The following SLC14A2 variants were observed in gnomAD, a reference collection of about 807,000 sequenced individuals.
SLC14A2 encodes urea transporter 2.
In SLC14A2, 91 loss-of-function variants were observed where a neutral mutation model predicts 104.6. That is an observed-to-expected ratio of 0.87 (90% CI 0.73 to 1.04). The LOEUF is 1.04. SLC14A2 is among the 50% of genes least tolerant of loss of function. The probability of loss-of-function intolerance (pLI) is 0.00; values close to 1 mark genes in which losing one functional copy is unlikely to be tolerated. For missense variants in SLC14A2, 1,189 were observed against 1,156.0 expected (o/e 1.03, Z -0.41); for synonymous variants, 476 against 466.4 (o/e 1.02, Z -0.27).
rs1395977759 is a variant in SLC14A2 at position 45,258,464 on chromosome 18, A to G, written c.-125+45273A>G. On this transcript the variant is annotated intron_variant, in intron 1 of 20. Transcript: ENST00000586448. Reference sequence around the variant, plus strand: ...TCTGAAATCTTAGAACCATTGCAATATGCTACAGCCCAGAATTTAGCACCT... The same window carrying G: ...TCTGAAATCTTAGAACCATTGCAATGTGCTACAGCCCAGAATTTAGCACCT... Among the ~76,000 whole-genome samples the G allele has an allele frequency of 4.9e-5, 7 of 143,220 alleles. 2 individuals are homozygous for G. The highest frequency in any genetic ancestry group is 4.6e-4 in the South Asian group (2 of 4,340). 94.0% of individuals were successfully genotyped at this position (143,220 alleles called of 152,430 possible). A position where few individuals can be genotyped will look rare whatever the true frequency, so the allele number is the denominator to read the frequency against.
intron 2 of SLC14A2, among the ~76,000 whole-genome samples, chr18:45,582,960 C>G (rs910910154): frequency 3.9e-5 from 6 of 152,194 alleles, no homozygotes; most frequent in Admixed American, 1.3e-4. Flanking sequence ...CTCCTCACCA[C>G]CCACCCACCA....
chr18:45,484,002 A>T (rs1249669218), intron 2 of SLC14A2, among the ~76,000 whole-genome samples: 1 of 152,202 alleles, frequency 6.6e-6, no homozygotes, highest in Non-Finnish European at 1.5e-5. Context: ...TTTCATTGGG[A>T]TCTATAATAG....
At chr18:45,442,511 A>G (rs563066268) in intron 1 of SLC14A2, among the ~76,000 whole-genome samples, 2 of 152,264 alleles carry the variant, frequency 1.3e-5, no homozygotes, top group African/African-American at 4.8e-5. Context: ...CCCTTTGTGT[A>G]TGTCTCTATA....
At chr18:45,310,031 G>A (rs1339347302) in intron 1 of SLC14A2, among the ~76,000 whole-genome samples, 1 of 151,826 alleles carries the variant, frequency 6.6e-6, no homozygotes, top group Admixed American at 6.6e-5. Context: ...CCATATCGAT[G>A]CGTAGGACCA....
chr18:45,390,403 C>T (rs552920492), intron 1 of SLC14A2, among the ~76,000 whole-genome samples: 1 of 152,264 alleles, frequency 6.6e-6, no homozygotes, highest in Non-Finnish European at 1.5e-5. Flanking sequence ...ATATGCTAAG[C>T]TTTATGGTAG....
At chr18:45,653,902 G>C (rs1315581733) in intron 10 of SLC14A2, among the ~76,000 whole-genome samples, 1 of 152,186 alleles carries the variant, frequency 6.6e-6, no homozygotes, top group African/African-American at 2.4e-5. Context: ...AGGCAAATTG[G>C]CCCCCTGAGG....
intron 1 of SLC14A2, among the ~76,000 whole-genome samples, chr18:45,236,574 T>A (rs540491789): frequency 7.7e-6 from 1 of 130,474 alleles, no homozygotes; most frequent in Non-Finnish European, 1.6e-5. Context: ...TATATGTATA[T>A]ATACATATAT....
intron 1 of SLC14A2, among the ~76,000 whole-genome samples, chr18:45,378,206 C>G (rs571826061): frequency 7.4e-6 from 1 of 135,262 alleles, no homozygotes; most frequent in East Asian, 2.0e-4. Context: ...TCTGAATTCT[C>G]TGGAGTATTT....
upstream of SLC14A2, among the ~76,000 whole-genome samples, chr18:45,209,191 A>AAAAAG (rs1555662437): frequency 8.6e-4 from 129 of 150,568 alleles, no homozygotes; most frequent in African/African-American, 2.8e-3. Context: ...AAAAAAAAAA[A>AAAAAG]AAAAAAAATC....
At chr18:45,432,993 C>A (rs553242096) in intron 1 of SLC14A2, among the ~76,000 whole-genome samples, 2 of 152,200 alleles carry the variant, frequency 1.3e-5, no homozygotes, top group Non-Finnish European at 2.9e-5. Context: ...CTGTTTTCTA[C>A]TCTTTCTGTC....
chr18:45,312,291 G>GA (rs2144218844), intron 1 of SLC14A2, among the ~76,000 whole-genome samples: 1 of 152,090 alleles, frequency 6.6e-6, no homozygotes, highest in South Asian at 2.1e-4. Context: ...TTTGTTATGT[G>GA]AGCAATATGA....
chr18:45,438,326 T>A (rs564308220), intron 1 of SLC14A2: 1 of 152,316 alleles, frequency 6.6e-6, no homozygotes, highest in East Asian at 1.9e-4. Context: ...CTTCTATTCC[T>A]ATTGCAACCA....
chr18:45,594,457 G>A (rs915289413), intron 2 of SLC14A2, among the ~76,000 whole-genome samples: 19 of 152,182 alleles, frequency 1.2e-4, no homozygotes, highest in African/African-American at 4.1e-4. Context: ...ATGATCACCT[G>A]CCAAGCTTTC....
intron 1 of SLC14A2, among the ~76,000 whole-genome samples, chr18:45,436,012 AAGCTTTGG>A (rs2086590191): frequency 6.6e-6 from 1 of 152,144 alleles, no homozygotes; most frequent in South Asian, 2.1e-4. Flanking sequence ...GGAGCTTTAA[AAGCTTTGG>A]AGCTCTATTA....
intron 2 of SLC14A2, among the ~76,000 whole-genome samples, chr18:45,551,306 G>A (rs1263560808): frequency 6.6e-6 from 1 of 152,172 alleles, no homozygotes. Flanking sequence ...AGCTGCACAT[G>A]GGTAAAAATA....
chr18:45,417,599 C>A lies in SLC14A2; in HGVS notation c.-124-65634C>A, dbSNP rs79923295. On this transcript the variant is annotated intron_variant, in intron 1 of 20. Coordinates refer to the SLC14A2 transcript ENST00000586448. Reference sequence around the variant, plus strand: ...CAGGAGAATAGCAGCATGGGGGGAACCGCCCCCAATTCAATTACCTCCCAC... The same window carrying A: ...CAGGAGAATAGCAGCATGGGGGGAAACGCCCCCAATTCAATTACCTCCCAC... Among the ~76,000 whole-genome samples the A allele has an allele frequency of 2.6e-5, 4 of 152,210 alleles. No individual in the cohort carries two copies. The East Asian group carries it at 5.8e-4, about 22-fold the overall frequency.
chr18:45,530,712 ATTATAC>A (rs1030658245), intron 2 of SLC14A2, among the ~76,000 whole-genome samples: 6 of 152,086 alleles, frequency 3.9e-5, no homozygotes, highest in African/African-American at 9.7e-5. Flanking sequence ...TTTTATTATT[ATTATAC>A]TTTAAGTTTT....
At chr18:45,323,257 A>G (rs2085202445) in intron 1 of SLC14A2, among the ~76,000 whole-genome samples, 1 of 152,232 alleles carries the variant, frequency 6.6e-6, no homozygotes, top group African/African-American at 2.4e-5. Context: ...TATTTACAGA[A>G]CTATGAAAAA....
intron 2 of SLC14A2, among the ~76,000 whole-genome samples, chr18:45,544,739 T>C (rs1485277244): frequency 6.6e-6 from 1 of 151,376 alleles, no homozygotes; most frequent in Middle Eastern, 3.4e-3. Context: ...ATTTAACATA[T>C]TATAAATATG....
Sources: gnomAD v4.1 joint callset for allele counts (sites outside exome capture counted in the v4.1 genomes callset) on GRCh38, gnomAD v4.1.1 for gene constraint, MANE v1.5 for transcripts, NCBI Gene and HGNC (gene_info 2026-07-23, HGNC 2026-07-21) for gene names.